The following EYS variants were observed in gnomAD, a reference collection of about 807,000 sequenced individuals.
The protein encoded by EYS is protein eyes shut homolog.
A neutral mutation model predicts 282.1 loss-of-function variants in EYS; 250 were observed. The observed-to-expected ratio is 0.89, with a 90% confidence interval of 0.80 to 0.98. EYS has a LOEUF of 0.98. Among genes scored for constraint, EYS ranks in the 50% least tolerant of loss-of-function variants. The pLI is 0.00. For missense variants in EYS, 4,016 were observed against 3,709.0 expected, an observed-to-expected ratio of 1.08 and a Z score of -2.15; for synonymous variants, 1,355 against 1,282.9, an observed-to-expected ratio of 1.06 and a Z score of -1.20.
chr6:64,900,748 GCGGAGAAA>G (rs1767628303), intron 18 of EYS, among the ~76,000 whole-genome samples: 1 of 151,774 alleles, frequency 6.6e-6, no homozygotes, highest in Non-Finnish European at 1.5e-5. Flanking sequence ...CTAGAGAGAT[GCGGAGAAA>G]ATGTGGAGAA....
intron 35 of EYS, among the ~76,000 whole-genome samples, chr6:63,873,100 C>T (rs1283292646): frequency 6.6e-6 from 1 of 151,296 alleles, no homozygotes; most frequent in East Asian, 1.9e-4. Flanking sequence ...TGTGCTGCAC[C>T]CATTAACTCG....
At chr6:64,367,546 C>T (rs1772219718) in intron 29 of EYS, among the ~76,000 whole-genome samples, 1 of 151,662 alleles carries the variant, frequency 6.6e-6, no homozygotes, top group Non-Finnish European at 1.5e-5. Flanking sequence ...CTAAGAGCCA[C>T]TCCCAGGGCA....
chr6:64,153,933 A>T (rs538189616), intron 31 of EYS, among the ~76,000 whole-genome samples: 1 of 152,186 alleles, frequency 6.6e-6, no homozygotes, highest in Admixed American at 6.5e-5. Flanking sequence ...GAGCTGCAAG[A>T]CTCAAAAAAT....
At chr6:63,967,404 G>A (rs1215908119) in intron 35 of EYS, among the ~76,000 whole-genome samples, 1 of 152,184 alleles carries the variant, frequency 6.6e-6, no homozygotes, top group East Asian at 1.9e-4. Context: ...TAGCCTGTGT[G>A]GTGTTAATGG....
intron 1 of EYS, among the ~76,000 whole-genome samples, chr6:65,685,048 T>G (rs1294113957): frequency 6.6e-6 from 1 of 151,966 alleles, no homozygotes; most frequent in Admixed American, 6.6e-5. Flanking sequence ...ATGGGCTGGC[T>G]CCTGTTATTT....
At chr6:64,822,237 G>C (rs972575472) in intron 20 of EYS, among the ~76,000 whole-genome samples, 1 of 151,918 alleles carries the variant, frequency 6.6e-6, no homozygotes, top group Non-Finnish European at 1.5e-5. Context: ...GATTCATAGA[G>C]TCATAAAATA....
chr6:64,751,644 C>T (rs777223562), intron 22 of EYS, among the ~76,000 whole-genome samples: 6 of 152,190 alleles, frequency 3.9e-5, no homozygotes, highest in Non-Finnish European at 8.8e-5. Context: ...ATTCATATAC[C>T]CATCTCTTTC....
intron 15 of EYS, among the ~76,000 whole-genome samples, chr6:64,944,282 G>A (rs1769198895): frequency 6.6e-6 from 1 of 151,890 alleles, no homozygotes; most frequent in South Asian, 2.1e-4. Context: ...AGAAAACCTA[G>A]AAAACACCAT....
intron 33 of EYS, among the ~76,000 whole-genome samples, chr6:64,052,714 T>C (rs954735587): frequency 3.3e-5 from 5 of 152,124 alleles, no homozygotes; most frequent in Middle Eastern, 3.2e-3. Flanking sequence ...GTGGAGGTAA[T>C]TGAATCATGG....
intron 33 of EYS, among the ~76,000 whole-genome samples, chr6:64,032,654 C>G (rs1769909274): frequency 6.6e-6 from 1 of 152,174 alleles, no homozygotes; most frequent in Admixed American, 6.5e-5. Context: ...GGCTTGGCTA[C>G]AAATTGGGGG....
chr6:64,945,483 G>T (rs571698613), intron 15 of EYS, among the ~76,000 whole-genome samples: 33 of 152,170 alleles, frequency 2.2e-4, no homozygotes, highest in African/African-American at 6.0e-4. Context: ...TTCTCATACT[G>T]CATGGAAAGG....
chr6:64,478,108 T>C (rs1776329316), intron 26 of EYS, among the ~76,000 whole-genome samples: 1 of 151,952 alleles, frequency 6.6e-6, no homozygotes. Context: ...ATATACTGAG[T>C]TTTACATCAA....
chr6:65,279,634 T>C (rs775675584), intron 12 of EYS, among the ~76,000 whole-genome samples: 13 of 152,194 alleles, frequency 8.5e-5, no homozygotes, highest in Non-Finnish European at 1.8e-4. Context: ...TAATATTCTG[T>C]TGGGTGAATA....
intron 37 of EYS, among the ~76,000 whole-genome samples, chr6:63,796,517 A>G (rs1454348702): frequency 1.3e-5 from 2 of 152,218 alleles, no homozygotes; most frequent in African/African-American, 4.8e-5. Flanking sequence ...TTCCTAAAGT[A>G]TTTCATTTAG....
chr6:63,963,911 T>C (rs952997667), intron 35 of EYS, among the ~76,000 whole-genome samples: 1 of 152,238 alleles, frequency 6.6e-6, no homozygotes, highest in African/African-American at 2.4e-5. Flanking sequence ...CAGGTTCATT[T>C]TTCTTGCTAG....
At chr6:64,563,917 T>A (rs766725599) in intron 26 of EYS, among the ~76,000 whole-genome samples, 2 of 151,944 alleles carry the variant, frequency 1.3e-5, no homozygotes, top group Non-Finnish European at 2.9e-5. Context: ...ATTTATAATT[T>A]TCTATTTATT....
In EYS at chr6:64,196,693, A is replaced by C. The variant is rs368435294; in HGVS notation, c.6424+33899T>G. 2.0e-5 allele frequency among the ~76,000 whole-genome samples: 3 copies of C among 146,564 alleles called. No individual in the cohort carries two copies. The East Asian group carries it at 6.4e-4, about 31-fold the overall frequency. On this transcript the variant is annotated intron_variant, in intron 31 of 42. Coordinates refer to ENST00000503581, the MANE Select transcript of EYS (RefSeq NM_001142800.2). ...CTCACTCATAGATGGGAATTGAACA[A>C]TGAGAACACATGGACACAGGAAGGG...
intron 35 of EYS, among the ~76,000 whole-genome samples, chr6:63,970,674 T>C (rs1766527000): frequency 6.6e-6 from 1 of 151,724 alleles, no homozygotes; most frequent in Non-Finnish European, 1.5e-5. Flanking sequence ...GAGCACACCT[T>C]GCTGACAGAG....
intron 2 of EYS, among the ~76,000 whole-genome samples, chr6:65,623,117 T>G (rs541513182): frequency 3.3e-5 from 5 of 152,232 alleles, no homozygotes; most frequent in African/African-American, 1.2e-4. Context: ...ACCTTACTTC[T>G]AATTACAGAA....
Sources: gnomAD v4.1 joint callset for allele counts (sites outside exome capture counted in the v4.1 genomes callset) on GRCh38, gnomAD v4.1.1 for gene constraint, MANE v1.5 for transcripts, NCBI Gene and HGNC (gene_info 2026-07-23, HGNC 2026-07-21) for gene names.